TTC28: variants seen among roughly 807,000 people sequenced by gnomAD.
The protein encoded by TTC28 is tetratricopeptide repeat protein 28.
A neutral mutation model predicts 198.0 loss-of-function variants in TTC28; 61 were observed. The ratio of observed to expected loss-of-function variants is 0.31; its 90% CI spans 0.25 to 0.38. The LOEUF (loss-of-function observed/expected upper bound fraction) is 0.38. Among genes scored for constraint, TTC28 ranks in the 10% least tolerant of loss-of-function variants. The pLI, the probability that TTC28 is intolerant of heterozygous loss-of-function variation, is 1.00. For missense variants in TTC28, 2,678 were observed against 3,164.0 expected (o/e 0.85, Z 3.69); for synonymous variants, 1,171 against 1,297.8 (o/e 0.90, Z 2.10).
In TTC28 at chr22:28,096,295, T is replaced by A; in HGVS notation, c.3661A>T (p.Thr1221Ser). Reference sequence around the variant, plus strand: ...ACCATCTCTAAGATCTGATCAATAGTGACTGGGGAGTAGGGGTCGGAGTCT... The same window carrying A: ...ACCATCTCTAAGATCTGATCAATAGAGACTGGGGAGTAGGGGTCGGAGTCT... Reference protein sequence around the residue: ...QQDSDPYSPVTIDQILEMVNG... With the variant: ...QQDSDPYSPVSIDQILEMVNG... The change falls in exon 11 of 23, where the codon ACT becomes TCT. Residue 1221 changes from threonine to serine, a missense_variant. Around this residue, in one of 8 missense-constraint regions of TTC28, gnomAD observed 727 missense variants for 861.9 expected, o/e 0.84. Transcript: ENST00000397906. 2 of 1,551,922 alleles carry A rather than the reference T, an allele frequency of 1.3e-6. No homozygotes were observed. The highest frequency in any genetic ancestry group is 1.4e-5 in the African/African-American group (1 of 73,146).
At chr22:28,501,707 GAATA>G (rs1203820473) in intron 2 of TTC28, among the ~76,000 whole-genome samples, 4 of 152,058 alleles carry the variant, frequency 2.6e-5, no homozygotes, top group Admixed American at 1.3e-4. Context: ...TTAAAATTAT[GAATA>G]AACACCTAAG....
intron 2 of TTC28, among the ~76,000 whole-genome samples, chr22:28,508,573 CCATGCCCAGCCCACAAAA>C (rs989242630): frequency 6.6e-6 from 1 of 152,090 alleles, no homozygotes; most frequent in African/African-American, 2.4e-5. Context: ...GCGTGAGCCA[CCATGCCCAGCCCACAAAA>C]CACACTTTAA....
At chr22:28,522,329 A>T (rs565036138) in intron 2 of TTC28, among the ~76,000 whole-genome samples, 1 of 152,224 alleles carries the variant, frequency 6.6e-6, no homozygotes, top group African/African-American at 2.4e-5. Flanking sequence ...TCTACTAAAA[A>T]TACGAAAAAT....
intron 5 of TTC28, among the ~76,000 whole-genome samples, chr22:28,278,063 A>G (rs1469935781): frequency 3.9e-5 from 6 of 152,008 alleles, no homozygotes; most frequent in Non-Finnish European, 7.4e-5. Context: ...CAGTCTTTTA[A>G]TTTTGATTCT....
chr22:28,088,305 C>A (rs1941691521), intron 12 of TTC28, among the ~76,000 whole-genome samples: 2 of 152,150 alleles, frequency 1.3e-5, no homozygotes, highest in African/African-American at 4.8e-5. Flanking sequence ...GTACTGGTAC[C>A]AAAACAGAGA....
chr22:27,983,230 G>A lies in TTC28; in HGVS notation c.6437C>T (p.Thr2146Ile). 1 of 1,551,862 alleles carries A rather than the reference G, an allele frequency of 6.4e-7. No individual in the cohort carries two copies. The highest frequency in any genetic ancestry group is 8.7e-7 in the Non-Finnish European group (1 of 1,147,042). ...SDQSSTETDSTVKSQEESNPK... is the reference protein window; with the variant it reads ...SDQSSTETDSIVKSQEESNPK... Reference sequence around the variant, plus strand: ...GTTGCTTTCTTCTTGGGATTTCACGGTACTGTCCGTTTCTGTGCTAGACTG... The same window carrying A: ...GTTGCTTTCTTCTTGGGATTTCACGATACTGTCCGTTTCTGTGCTAGACTG... The change falls in exon 23 of 23, where the codon ACC becomes ATC. Residue 2146 changes from threonine to isoleucine, a missense_variant. Physicochemically the swap from Thr to Ile is moderately conservative, Grantham distance 89 (BLOSUM62 -1). Around this residue, in one of 8 missense-constraint regions of TTC28, gnomAD observed 622 missense variants for 656.0 expected, o/e 0.95. Transcript: ENST00000397906.
chr22:28,397,214 A>T (rs1569304051), intron 2 of TTC28, among the ~76,000 whole-genome samples: 1 of 152,198 alleles, frequency 6.6e-6, no homozygotes, highest in Non-Finnish European at 1.5e-5. Flanking sequence ...AACAAACAAA[A>T]ATCTAACAAA....
chr22:28,452,862 A>C (rs1444856934), intron 2 of TTC28, among the ~76,000 whole-genome samples: 1 of 152,206 alleles, frequency 6.6e-6, no homozygotes, highest in East Asian at 1.9e-4. Context: ...GGATGAAGAC[A>C]CAATACCTAG....
chr22:28,040,491 A>G (rs73166783), intron 12 of TTC28, among the ~76,000 whole-genome samples: 63 of 152,250 alleles, frequency 4.1e-4, no homozygotes, highest in Non-Finnish European at 7.4e-4. Context: ...AAAAACTACG[A>G]TTACCTCAAT....
At chr22:28,344,537 TAATTGAA>T (rs1296929664) in intron 2 of TTC28, among the ~76,000 whole-genome samples, 1 of 152,180 alleles carries the variant, frequency 6.6e-6, no homozygotes, top group Non-Finnish European at 1.5e-5. Flanking sequence ...AAAAGAAATA[TAATTGAA>T]AATACATATT....
rs187625833 is a variant in TTC28, at chr22:28,492,116, G to T, written c.381+137436C>A. Among the ~76,000 whole-genome samples the T allele has an allele frequency of 2.2e-3, 333 of 151,466 alleles. 2 individuals are homozygous for T. The Middle Eastern group carries it at 0.044, about 20-fold the overall frequency. ...CACACACCAGAGACTGTTGTGGGGTGGGGGGGAGCGGGGAGGGATAGCATT... is the reference window on the plus strand; with the variant it reads ...CACACACCAGAGACTGTTGTGGGGTTGGGGGGAGCGGGGAGGGATAGCATT... On this transcript the variant is annotated intron_variant, in intron 2 of 22. Transcript: ENST00000397906.
intron 2 of TTC28, among the ~76,000 whole-genome samples, chr22:28,432,409 A>T (rs964351602): frequency 6.6e-6 from 1 of 152,190 alleles, no homozygotes; most frequent in African/African-American, 2.4e-5. Context: ...ATTCTCATTC[A>T]TTCTTAATTC....
intron 2 of TTC28, among the ~76,000 whole-genome samples, chr22:28,377,786 T>G (rs1319880529): frequency 6.6e-6 from 1 of 151,960 alleles, no homozygotes; most frequent in Non-Finnish European, 1.5e-5. Context: ...TATCTAGCAT[T>G]CAACAAGGTA....
intron 2 of TTC28, among the ~76,000 whole-genome samples, chr22:28,609,688 T>G (rs936928254): frequency 2.1e-5 from 3 of 142,502 alleles, no homozygotes; most frequent in Non-Finnish European, 4.5e-5. Context: ...AGTTTGTTTG[T>G]TTTTTTTTTT....
intron 2 of TTC28, among the ~76,000 whole-genome samples, chr22:28,477,425 T>A (rs941512941): frequency 1.3e-5 from 2 of 152,122 alleles, no homozygotes; most frequent in African/African-American, 4.8e-5. Flanking sequence ...TATCACTCTA[T>A]CCCTCATTAA....
intron 12 of TTC28, among the ~76,000 whole-genome samples, chr22:28,073,636 T>C (rs892056510): frequency 7.2e-5 from 11 of 152,184 alleles, no homozygotes; most frequent in Admixed American, 6.5e-4. Flanking sequence ...ACTGGATCAT[T>C]GTTCAACACA....
intron 9 of TTC28, 34 bp downstream of exon 9, chr22:28,101,137 C>A: frequency 6.7e-7 from 1 of 1,499,696 alleles, no homozygotes; most frequent in South Asian, 1.2e-5. Context: ...CTTCTGGAAA[C>A]AAAAAATCCA....
chr22:28,405,021 G>A (rs134547), intron 2 of TTC28, among the ~76,000 whole-genome samples: 131,010 of 152,154 alleles, frequency 0.86, 56,660 homozygotes, highest in East Asian at 0.99. Flanking sequence ...TTGACAGCTC[G>A]GAGCAATTAA....
rs1337212625 is a variant in TTC28, at chr22:28,137,883, T to C, written c.1441+25209A>G. On this transcript the variant is annotated intron_variant, in intron 6 of 22. Coordinates refer to ENST00000397906, the MANE Select transcript of TTC28 (RefSeq NM_001145418.2). ...TACAAAAATCAGCAGAGCATAGTGG[T>C]GGGCACCTGTAATCCCAGCTACCCG... 3.3e-5 allele frequency among the ~76,000 whole-genome samples: 5 copies of C among 152,166 alleles called. No homozygotes were observed. In the East Asian group the frequency reaches 9.7e-4, roughly 30 times the overall value.
Sources: gnomAD v4.1 joint callset for allele counts (sites outside exome capture counted in the v4.1 genomes callset) on GRCh38, gnomAD v4.1.1 for gene constraint, gnomAD v4.1.1 regional missense constraint, MANE v1.5 for transcripts, NCBI Gene and HGNC (gene_info 2026-07-23, HGNC 2026-07-21) for gene names.